COLQ: variants seen among roughly 807,000 people sequenced by gnomAD.
COLQ encodes the protein collagen like tail subunit of asymmetric acetylcholinesterase.
Under a neutral mutation model 69.0 loss-of-function variants are expected in COLQ, and 48 were observed. The observed-to-expected ratio is 0.70, with a 90% CI of 0.55 to 0.88. The LOEUF (loss-of-function observed/expected upper bound fraction) is 0.88. Among genes scored for constraint, COLQ ranks in the 40% least tolerant of loss-of-function variants. COLQ has a pLI of 0.00. For missense variants in COLQ, 618 were observed against 594.6 expected, an observed-to-expected ratio of 1.04 and a Z score of -0.41; for synonymous variants, 217 against 211.2, an observed-to-expected ratio of 1.03 and a Z score of -0.24.
At chr3:15,474,348 C>T in intron 8 of COLQ, 76 bp from the exon 9 acceptor site, 2 of 1,466,488 alleles carry the variant, frequency 1.4e-6, no homozygotes, top group South Asian at 2.3e-5. Context: ...AACTGAAAAG[C>T]TCCCTAAACC....
At chr3:15,498,469 C>CCACACACA (rs60324043) in intron 1 of COLQ, 66,264 of 1,436,842 alleles carry the variant, frequency 0.046, 829 homozygotes, top group Admixed American at 0.17. Flanking sequence ...GCATGTGCAT[C>CCACACACA]CACACACACA....
chr3:15,486,081 C>G (rs1246086674), intron 3 of COLQ, among the ~76,000 whole-genome samples: 1 of 151,812 alleles, frequency 6.6e-6, no homozygotes, highest in Non-Finnish European at 1.5e-5. Flanking sequence ...GAACCAGTAT[C>G]TTTGGTTTAT....
At chr3:15,497,667 G>C (rs545750426) in intron 1 of COLQ, among the ~76,000 whole-genome samples, 3 of 152,062 alleles carry the variant, frequency 2.0e-5, no homozygotes, top group African/African-American at 7.2e-5. Context: ...TCCTCTTTTG[G>C]GGCCTTTCCC....
intron 7 of COLQ, 54 bp from the exon 8 acceptor site, chr3:15,475,005 T>A (rs1303034987): frequency 3.2e-6 from 5 of 1,587,122 alleles, no homozygotes; most frequent in Non-Finnish European, 4.3e-6. Context: ...CTTCTGAGTT[T>A]GGTGGAAGAA....
Position 15,477,186 on chromosome 3 carries a change from G to A in COLQ, c.405C>T (p.Gly135=), listed in dbSNP as rs762810817. 3 of 1,605,566 alleles carry A rather than the reference G, an allele frequency of 1.9e-6. No individual in the cohort carries two copies. The highest frequency in any genetic ancestry group is 3.4e-5 in the Admixed American group (2 of 58,754). ...CAGGCATGCCAGGAACACCTGGGGG[G>A]CCAGGTCTACCCTTCAAAGACCAAG... ...LGRPGRKGRP[G]PPGVPGMPGP... Residue 135 remains glycine (G), a synonymous_variant, in exon 6 of 17, where the codon GGC becomes GGT. Transcript: ENST00000383788.
At chr3:15,474,879 G>A (rs773866940) in intron 8 of COLQ, 46 bp downstream of exon 8, 2 of 1,611,668 alleles carry the variant, frequency 1.2e-6, no homozygotes, top group Non-Finnish European at 1.7e-6. Flanking sequence ...TCCAGAGCCA[G>A]TAGCCCAGAC....
At chr3:15,492,404 T>G (rs905198867) in intron 1 of COLQ, among the ~76,000 whole-genome samples, 1 of 152,328 alleles carries the variant, frequency 6.6e-6, no homozygotes, top group East Asian at 1.9e-4. Context: ...CAGTGGCTCA[T>G]GCCTTTAATC....
intron 1 of COLQ, among the ~76,000 whole-genome samples, chr3:15,492,688 TAA>T (rs1452914347): frequency 6.6e-6 from 1 of 151,020 alleles, no homozygotes; most frequent in Non-Finnish European, 1.5e-5. Context: ...AAATGCTGTG[TAA>T]AAGAGAATTC....
intron 15 of COLQ, among the ~76,000 whole-genome samples, chr3:15,454,196 T>C (rs927047209): frequency 6.6e-6 from 1 of 152,104 alleles, no homozygotes; most frequent in African/African-American, 2.4e-5. Flanking sequence ...CTCCAGGTTG[T>C]TATCTGCAAA....
At chr3:15,459,918 G>T (rs998802110) in intron 12 of COLQ, among the ~76,000 whole-genome samples, 1 of 151,934 alleles carries the variant, frequency 6.6e-6, no homozygotes, top group East Asian at 1.9e-4. Flanking sequence ...ATTCCAATTT[G>T]CCCCAAGGTT....
intron 16 of COLQ, among the ~76,000 whole-genome samples, chr3:15,452,822 T>A (rs779117061): frequency 1.3e-5 from 2 of 152,162 alleles, no homozygotes; most frequent in Non-Finnish European, 2.9e-5. Flanking sequence ...TTGAACATGC[T>A]AATATCTGAG....
intron 11 of COLQ, among the ~76,000 whole-genome samples, chr3:15,469,930 C>T (rs2062254570): frequency 1.3e-5 from 2 of 152,090 alleles, no homozygotes; most frequent in Admixed American, 1.3e-4. Context: ...AGATGTTTAC[C>T]TCTCAGGATT....
chr3:15,465,220 CA>C (rs1427700813), intron 12 of COLQ, among the ~76,000 whole-genome samples: 2 of 147,926 alleles, frequency 1.4e-5, no homozygotes, highest in African/African-American at 2.6e-5. Context: ...TTCTCAATAA[CA>C]GACTTTATAT....
At chr3:15,500,751 G>A (rs1221894406) in intron 1 of COLQ, among the ~76,000 whole-genome samples, 1 of 152,128 alleles carries the variant, frequency 6.6e-6, no homozygotes, top group Non-Finnish European at 1.5e-5. Context: ...CATTGTCTCT[G>A]TCTTTCCAAG....
rs369308750 is a variant in COLQ at position 15,488,277 on chromosome 3, G to A, written c.250C>T (p.Leu84=). ...GGGGACTGCGAGGTCTCCAGTTCCAGCATGAGATTCTTCATGTCTGGGGAG... is the reference window on the plus strand; with the variant it reads ...GGGGACTGCGAGGTCTCCAGTTCCAACATGAGATTCTTCATGTCTGGGGAG... ...LLSPDMKNLM[L]ELETSQSPCM... is the part of the protein sequence containing the mutation. Residue 84 remains leucine (L), a synonymous_variant, in exon 3 of 17, where the codon CTG becomes TTG. Transcript: ENST00000383788. The A allele has an allele frequency of 3.7e-6, 6 of 1,613,534 alleles. No homozygotes were observed. The African/African-American group carries it at 8.0e-5, about 22-fold the overall frequency.
intron 1 of COLQ, among the ~76,000 whole-genome samples, chr3:15,496,527 C>T (rs552011294): frequency 2.0e-5 from 3 of 152,304 alleles, no homozygotes; most frequent in South Asian, 2.1e-4. Context: ...GGAAAAGCCC[C>T]GGAAGGCTCT....
intron 1 of COLQ, among the ~76,000 whole-genome samples, chr3:15,508,593 G>A (rs186605271): frequency 3.3e-5 from 5 of 152,224 alleles, no homozygotes; most frequent in South Asian, 2.1e-4. Context: ...ATCTAGAGAC[G>A]GAAAGCCAGG....
chr3:15,521,121 T>G (rs2063131050), intron 1 of COLQ, among the ~76,000 whole-genome samples: 2 of 151,952 alleles, frequency 1.3e-5, no homozygotes, highest in African/African-American at 2.4e-5. Context: ...CAACAGCCCC[T>G]GTGAGGCAAG....
intron 3 of COLQ, 47 bp from the exon 4 acceptor site, chr3:15,479,429 G>A: frequency 6.3e-7 from 1 of 1,583,976 alleles, no homozygotes; most frequent in Non-Finnish European, 8.7e-7. Flanking sequence ...TCAGTCTGAA[G>A]CTGGATGGGT....
Sources: allele counts gnomAD v4.1 joint callset (sites outside exome capture counted in the v4.1 genomes callset), GRCh38; gene constraint gnomAD v4.1.1; transcripts MANE v1.5; gene names NCBI Gene and HGNC (gene_info 2026-07-23, HGNC 2026-07-21).